The following NFIA variants were observed in gnomAD, a reference collection of about 807,000 sequenced individuals.
NFIA encodes the protein nuclear factor I A.
NFIA carries 8 observed loss-of-function variants against 62.8 expected under a neutral mutation model. The observed-to-expected ratio is 0.13, with a 90% CI of 0.07 to 0.23. The LOEUF (loss-of-function observed/expected upper bound fraction) is 0.23. Among genes scored for constraint, NFIA ranks in the 10% least tolerant of loss-of-function variants. The pLI, the probability that NFIA is intolerant of heterozygous loss-of-function variation, is 1.00. For missense variants in NFIA, 410 were observed against 642.1 expected (o/e 0.64, Z 3.91); for synonymous variants, 235 against 238.1 (o/e 0.99, Z 0.12).
In NFIA at chr1:61,455,544, G is replaced by A. The variant is rs1668264681; in HGVS notation, c.*224G>A. ...TTTTTTTTAAAATACTTTAGGGACT[G>A]TTGTAATTTCTCATATGGTGCTGGA... On this transcript the variant is annotated 3_prime_UTR_variant, in exon 11 of 11. Coordinates refer to ENST00000403491, the MANE Select transcript of NFIA (RefSeq NM_001134673.4). The A allele has an allele frequency of 1.6e-6, 1 of 612,198 alleles. No individual in the cohort carries two copies. The highest frequency in any genetic ancestry group is 2.5e-5 in the South Asian group (1 of 40,322). 37.9% of individuals were successfully genotyped at this position (612,198 alleles called of 1,614,324 possible).
intron 2 of NFIA, among the ~76,000 whole-genome samples, chr1:61,115,852 A>G (rs1287965703): frequency 6.6e-6 from 1 of 152,198 alleles, no homozygotes; most frequent in East Asian, 1.9e-4. Flanking sequence ...CCAAATGTAC[A>G]TTTGAAACCT....
chr1:61,139,981 GACC>G (rs1647384977), intron 2 of NFIA, among the ~76,000 whole-genome samples: 1 of 151,038 alleles, frequency 6.6e-6, no homozygotes, highest in African/African-American at 2.4e-5. Context: ...GCAGATGCAT[GACC>G]TGGTAGAAAT....
chr1:61,247,385 G>A (rs1655715066), intron 2 of NFIA, among the ~76,000 whole-genome samples: 5 of 152,204 alleles, frequency 3.3e-5, no homozygotes, highest in Admixed American at 3.3e-4. Context: ...GTTTGGTCCG[G>A]TTCTTCGTAT....
chr1:61,215,679 A>G (rs1392522219), intron 2 of NFIA, among the ~76,000 whole-genome samples: 1 of 152,230 alleles, frequency 6.6e-6, no homozygotes, highest in Admixed American at 6.5e-5. Flanking sequence ...TTAAATAAGG[A>G]TGATACTATT....
chr1:61,393,518 C>T (rs1039853458), intron 7 of NFIA, among the ~76,000 whole-genome samples: 1 of 151,662 alleles, frequency 6.6e-6, no homozygotes, highest in Non-Finnish European at 1.5e-5. Flanking sequence ...CTCCTGCATG[C>T]TTATGATTCT....
intron 2 of NFIA, among the ~76,000 whole-genome samples, chr1:61,153,867 T>G (rs1648600271): frequency 6.6e-6 from 1 of 152,216 alleles, no homozygotes; most frequent in African/African-American, 2.4e-5. Context: ...TAGAGAGGGC[T>G]CTACAAAACC....
At chr1:61,252,419 G>T (rs1032963595) in intron 2 of NFIA, among the ~76,000 whole-genome samples, 4 of 152,160 alleles carry the variant, frequency 2.6e-5, no homozygotes, top group African/African-American at 9.7e-5. Context: ...CCAATGGCAT[G>T]CAAGTTCAAA....
In NFIA at chr1:61,265,694, C is replaced by G. The variant is rs1657113878; in HGVS notation, c.560-11826C>G. 2.6e-5 allele frequency among the ~76,000 whole-genome samples: 4 copies of G among 152,160 alleles called. No individual in the cohort carries two copies. The South Asian group carries it at 8.3e-4, about 32-fold the overall frequency. On this transcript the variant is annotated intron_variant, in intron 2 of 10. Coordinates refer to ENST00000403491, the MANE Select transcript of NFIA (RefSeq NM_001134673.4). Reference sequence around the variant, plus strand: ...AAAATACATATTTTTAAGTATTATCCTAAATTCTAGGATCTAGATTAAATT... The same window carrying G: ...AAAATACATATTTTTAAGTATTATCGTAAATTCTAGGATCTAGATTAAATT...
chr1:61,137,023 C>T (rs1215956615), intron 2 of NFIA, among the ~76,000 whole-genome samples: 1 of 152,132 alleles, frequency 6.6e-6, no homozygotes, highest in Non-Finnish European at 1.5e-5. Flanking sequence ...AGAGTGGTTT[C>T]AAGCAAACTG....
At chr1:61,378,248 G>C (rs1178507099) in intron 6 of NFIA, among the ~76,000 whole-genome samples, 1 of 152,162 alleles carries the variant, frequency 6.6e-6, no homozygotes, top group African/African-American at 2.4e-5. Context: ...CCAAGAATTT[G>C]AGTTTTTTTC....
intron 2 of NFIA, among the ~76,000 whole-genome samples, chr1:61,276,704 T>G (rs1657826793): frequency 6.6e-6 from 1 of 152,176 alleles, no homozygotes; most frequent in South Asian, 2.1e-4. Context: ...TCTTTTGATC[T>G]AAGTTAATTT....
At position 61,407,264 on chromosome 1, in the gene NFIA, G is replaced by T. The variant is rs141646888; in HGVS notation, c.1420+537G>T. On this transcript the variant is annotated intron_variant, in intron 9 of 10. Coordinates refer to ENST00000403491, the MANE Select transcript of NFIA (RefSeq NM_001134673.4). ...ATCAATGCTAGTAGCCCTGGCAGTC[G>T]CATGGTGAGGTTTGGCAGAGGTTGG... is the stretch of plus-strand genomic sequence containing the variant. Among the ~76,000 whole-genome samples the T allele has an allele frequency of 2.5e-3, 388 of 152,288 alleles. 2 individuals carry two copies. Among genetic ancestry groups the T allele is most frequent in the African/African-American group, 9.0e-3 (373 of 41,552 alleles).
chr1:61,393,640 CGGGTTAAGTCCATCCTAACCACATA>C (rs1371145257), intron 7 of NFIA, among the ~76,000 whole-genome samples: 2 of 152,050 alleles, frequency 1.3e-5, no homozygotes, highest in East Asian at 3.9e-4. Context: ...ATGGAGTCAG[CGGGTTAAGTCCATCCTAACCACATA>C]GGCTGAGGCT....
At chr1:61,155,210 G>A (rs543307078) in intron 2 of NFIA, among the ~76,000 whole-genome samples, 3 of 152,264 alleles carry the variant, frequency 2.0e-5, no homozygotes, top group African/African-American at 7.2e-5. Context: ...ATATTTCTGA[G>A]CGTTGAGGTT....
intron 7 of NFIA, among the ~76,000 whole-genome samples, chr1:61,387,398 G>T (rs1419446627): frequency 6.0e-5 from 9 of 151,134 alleles, no homozygotes; most frequent in Non-Finnish European, 8.8e-5. Flanking sequence ...GGCTTTGAAA[G>T]TATCATGCTG....
chr1:61,171,751 A>G (rs564473311), intron 2 of NFIA, among the ~76,000 whole-genome samples: 1 of 152,252 alleles, frequency 6.6e-6, no homozygotes, highest in East Asian at 1.9e-4. Context: ...TGGGGGAAAG[A>G]GAGCACAGAT....
intron 2 of NFIA, among the ~76,000 whole-genome samples, chr1:61,274,565 G>A (rs996407413): frequency 6.6e-6 from 1 of 152,026 alleles, no homozygotes; most frequent in African/African-American, 2.4e-5. Flanking sequence ...AGTTGGGTTT[G>A]TTTTCTGAGG....
intron 2 of NFIA, among the ~76,000 whole-genome samples, chr1:61,110,629 C>T (rs1480085677): frequency 6.6e-6 from 1 of 151,868 alleles, no homozygotes; most frequent in African/African-American, 2.4e-5. Context: ...GTTATAAAAG[C>T]GAAATTTAGG....
chr1:61,160,076 G>T (rs112375419), intron 2 of NFIA, among the ~76,000 whole-genome samples: 2 of 152,192 alleles, frequency 1.3e-5, no homozygotes, highest in African/African-American at 4.8e-5. Context: ...CATCAAATCA[G>T]TGTGGGCTGT....
Sources: allele counts gnomAD v4.1 joint callset (sites outside exome capture counted in the v4.1 genomes callset), GRCh38; gene constraint gnomAD v4.1.1; transcripts MANE v1.5; gene names NCBI Gene and HGNC (gene_info 2026-07-23, HGNC 2026-07-21).